Variants in KCNN2 observed in about 807,000 individuals in gnomAD.
KCNN2 encodes the protein small conductance calcium-activated potassium channel protein 2.
In KCNN2, 24 loss-of-function variants were observed where a neutral mutation model predicts 55.5. That is an observed-to-expected ratio of 0.43 (90% CI 0.31 to 0.61). The LOEUF is 0.61. Ranked by LOEUF, KCNN2 falls within the 20% of genes least tolerant of loss-of-function variation. The pLI, the probability that KCNN2 is intolerant of heterozygous loss-of-function variation, is 0.08. For synonymous variants in KCNN2, 431 were observed against 336.1 expected, an observed-to-expected ratio of 1.28 and a Z score of -3.09; for missense variants, 754 against 853.6, an observed-to-expected ratio of 0.88 and a Z score of 1.45.
At chr5:114,316,885 A>G (rs1170645877) in intron 2 of KCNN2, among the ~76,000 whole-genome samples, 1 of 152,200 alleles carries the variant, frequency 6.6e-6, no homozygotes, top group Non-Finnish European at 1.5e-5. Flanking sequence ...ATGCACAAGA[A>G]AAAGGCAAGG....
chr5:114,329,964 C>T (rs1164142137), intron 2 of KCNN2, among the ~76,000 whole-genome samples: 1 of 152,154 alleles, frequency 6.6e-6, no homozygotes, highest in Non-Finnish European at 1.5e-5. Context: ...CCTGAGCCCC[C>T]AGGAGAGCAC....
At chr5:114,447,971 T>C (rs1760489293) in intron 3 of KCNN2, among the ~76,000 whole-genome samples, 1 of 152,362 alleles carries the variant, frequency 6.6e-6, no homozygotes, top group South Asian at 2.1e-4. Flanking sequence ...GGAAACTTTA[T>C]AGGAACTAGT....
At chr5:114,215,349 A>T (rs977751273) in intron 1 of KCNN2, among the ~76,000 whole-genome samples, 1 of 152,168 alleles carries the variant, frequency 6.6e-6, no homozygotes, top group Non-Finnish European at 1.5e-5. Context: ...AATTTGCTTT[A>T]TAGTAAGCTG....
At chr5:114,449,825 C>A (rs368869419) in intron 3 of KCNN2, among the ~76,000 whole-genome samples, 1 of 151,754 alleles carries the variant, frequency 6.6e-6, no homozygotes, top group Non-Finnish European at 1.5e-5. Context: ...CAGATGCTGC[C>A]TCCTCAGATC....
At chr5:114,264,709 G>A (rs1317041339) in intron 2 of KCNN2, among the ~76,000 whole-genome samples, 4 of 152,154 alleles carry the variant, frequency 2.6e-5, no homozygotes, top group African/African-American at 9.7e-5. Flanking sequence ...TGTAGGCCTG[G>A]AATTGAGACC....
intron 1 of KCNN2, among the ~76,000 whole-genome samples, chr5:114,201,176 G>A (rs1327221677): frequency 2.0e-5 from 3 of 152,024 alleles, no homozygotes; most frequent in Non-Finnish European, 4.4e-5. Flanking sequence ...GAATTCGTGG[G>A]CTAATCCTAA....
chr5:114,232,565 T>A (rs1754383582), intron 2 of KCNN2, among the ~76,000 whole-genome samples: 1 of 151,168 alleles, frequency 6.6e-6, no homozygotes, highest in Non-Finnish European at 1.5e-5. Flanking sequence ...CGATAATGAG[T>A]ACTTCGCAAT....
intron 7 of KCNN2, among the ~76,000 whole-genome samples, chr5:114,494,914 T>G (rs1015337736): frequency 6.6e-6 from 1 of 152,044 alleles, no homozygotes; most frequent in Non-Finnish European, 1.5e-5. Flanking sequence ...GAAGAGCATA[T>G]GATAGAAGGG....
At chr5:114,405,047 T>C (rs1758889068) in intron 3 of KCNN2, among the ~76,000 whole-genome samples, 191 bp downstream of exon 3, 1 of 152,210 alleles carries the variant, frequency 6.6e-6, no homozygotes, top group Non-Finnish European at 1.5e-5. Flanking sequence ...GCCTTCATGC[T>C]TGTGTGTTTT....
At position 114,424,633 on chromosome 5, in the gene KCNN2, C is replaced by T. The variant is rs1345314611; in HGVS notation, c.1637+19777C>T. On this transcript the variant is annotated intron_variant, in intron 3 of 7. Coordinates refer to ENST00000673685, the MANE Select transcript of KCNN2 (RefSeq NM_021614.4). ...AAGGGCAGTTCGGAGAGGCCAGGCA[C>T]TGGAAACAGGAAAGCCAGCTGAGAG... Among the ~76,000 whole-genome samples the T allele has an allele frequency of 2.0e-5, 3 of 152,278 alleles. No homozygotes were observed. The East Asian group carries it at 5.8e-4, about 29-fold the overall frequency.
intron 1 of KCNN2, among the ~76,000 whole-genome samples, chr5:114,202,008 T>A (rs1753682183): frequency 6.6e-6 from 1 of 152,152 alleles, no homozygotes; most frequent in Admixed American, 6.5e-5. Flanking sequence ...GTGATGCTCA[T>A]GTCTCAGTCT....
At chr5:114,330,070 C>T (rs914057074) in intron 2 of KCNN2, among the ~76,000 whole-genome samples, 3 of 152,202 alleles carry the variant, frequency 2.0e-5, no homozygotes, top group Non-Finnish European at 4.4e-5. Context: ...CTGTGTGTTA[C>T]AGAATGTGTT....
At chr5:114,295,582 A>G (rs1561559979) in intron 2 of KCNN2, among the ~76,000 whole-genome samples, 1 of 152,030 alleles carries the variant, frequency 6.6e-6, no homozygotes, top group Admixed American at 6.6e-5. Context: ...GAGTGACCAG[A>G]TTTTCCAGGT....
intron 2 of KCNN2, among the ~76,000 whole-genome samples, chr5:114,242,888 GTAAA>G (rs908967821): frequency 6.6e-6 from 1 of 152,152 alleles, no homozygotes; most frequent in African/African-American, 2.4e-5. Flanking sequence ...TCTTTTGGCA[GTAAA>G]TGAGGCCCAA....
At position 114,381,576 on chromosome 5, in the gene KCNN2, A is replaced by G. The variant is rs555176135; in HGVS notation, c.1218+17575A>G. On this transcript the variant is annotated intron_variant, in intron 2 of 7. Coordinates refer to ENST00000673685, the MANE Select transcript of KCNN2 (RefSeq NM_021614.4). ...CTCTGGGCCCGCTTGTGTCCCTCCA[A>G]GAGGATCACAGCATGTCCTACTGTG... Among the ~76,000 whole-genome samples, 4 of 152,320 alleles carry G rather than the reference A, an allele frequency of 2.6e-5. No individual in the cohort carries two copies. In the East Asian group the frequency reaches 5.8e-4, roughly 22 times the overall value.
At chr5:114,204,708 C>T (rs1004524407) in intron 1 of KCNN2, among the ~76,000 whole-genome samples, 1 of 152,210 alleles carries the variant, frequency 6.6e-6, no homozygotes, top group Non-Finnish European at 1.5e-5. Flanking sequence ...ATTATGGTGA[C>T]ACCACCATTA....
At chr5:114,434,820 T>C (rs972485929) in intron 3 of KCNN2, among the ~76,000 whole-genome samples, 1 of 152,116 alleles carries the variant, frequency 6.6e-6, no homozygotes, top group Admixed American at 6.5e-5. Flanking sequence ...AAATGCCAGA[T>C]CACTCCGGGG....
intron 1 of KCNN2, among the ~76,000 whole-genome samples, chr5:114,191,185 A>G (rs1580604785): frequency 6.6e-6 from 1 of 152,204 alleles, no homozygotes; most frequent in Non-Finnish European, 1.5e-5. Context: ...TATATAAGGT[A>G]TAAAGTTTTC....
chr5:114,138,056 C>G (rs1419469620), intron 1 of KCNN2, among the ~76,000 whole-genome samples: 1 of 152,106 alleles, frequency 6.6e-6, no homozygotes, highest in African/African-American at 2.4e-5. Context: ...TTCCAGTTTA[C>G]TGTCGTTGAT....
Sources: allele counts gnomAD v4.1 joint callset (sites outside exome capture counted in the v4.1 genomes callset), GRCh38; gene constraint gnomAD v4.1.1; transcripts MANE v1.5; gene names NCBI Gene and HGNC (gene_info 2026-07-23, HGNC 2026-07-21).